The following SCARB1 variants were observed in gnomAD, a reference collection of about 807,000 sequenced individuals.
SCARB1 encodes scavenger receptor class B member 1.
In SCARB1, 30 loss-of-function variants were observed where a neutral mutation model predicts 57.2. That is an observed-to-expected ratio of 0.52 (90% CI 0.39 to 0.71). The LOEUF (loss-of-function observed/expected upper bound fraction) is 0.71, where lower values mean the gene tolerates loss of function less well. Among genes scored for constraint, SCARB1 ranks in the 30% least tolerant of loss-of-function variants. The pLI is 0.00. For missense variants in SCARB1, 543 were observed against 671.2 expected, an observed-to-expected ratio of 0.81 and a Z score of 2.11; for synonymous variants, 249 against 268.3, an observed-to-expected ratio of 0.93 and a Z score of 0.70.
At chr12:124,815,148 C>G (rs771199113) in intron 2 of SCARB1, 34 bp from the exon 3 acceptor site, 3 of 1,609,372 alleles carry the variant, frequency 1.9e-6, no homozygotes, top group Non-Finnish European at 2.5e-6. Context: ...GACGCCCCGC[C>G]CCGCTGCATG....
In SCARB1 at chr12:124,817,590, C is replaced by T. The variant is rs770307573; in HGVS notation, c.244G>A (p.Glu82Lys). The stretch of plus-strand genomic sequence containing the variant: ...CCGCGCTCCCGCACCTGCGGCTTCT[C>T]GCCCTTCAGGATCTCGCTGGGGTTC... ...VMNPSEILKG[E>K]KPQVRERGPY... is the part of the protein sequence containing the mutation. The change falls in exon 2 of 13, where the codon GAG becomes AAG. Residue 82 changes from glutamate (E) to lysine (K), a missense_variant. Physicochemically the swap from Glu to Lys is moderately conservative, Grantham distance 56. Transcript: ENST00000261693. This position sits in a 1 kb window ranked among gnomAD's most constrained non-coding sequence, Gnocchi z 4.8. The T allele has an allele frequency of 3.5e-5, 56 of 1,614,094 alleles. No homozygotes were observed. In the South Asian group the frequency reaches 4.7e-4, roughly 14 times the overall value.
chr12:124,844,904 C>T (rs1195130996), intron 1 of SCARB1, among the ~76,000 whole-genome samples: 1 of 151,540 alleles, frequency 6.6e-6, no homozygotes, highest in Non-Finnish European at 1.5e-5. Flanking sequence ...CAACCTCTGC[C>T]TCCCATGCAG....
At chr12:124,793,086 A>G (rs557383884) in intron 9 of SCARB1, among the ~76,000 whole-genome samples, 1 of 152,260 alleles carries the variant, frequency 6.6e-6, no homozygotes, top group Admixed American at 6.5e-5. Context: ...GCCTCAAAAT[A>G]TAAAAATAAA....
chr12:124,862,575 G>A (rs186060299), intron 1 of SCARB1: 1 of 152,342 alleles, frequency 6.6e-6, no homozygotes, highest in Non-Finnish European at 1.5e-5. Flanking sequence ...GCAGGCCAAG[G>A]GGAAAAGACG....
chr12:124,794,956 A>C (rs776869419), intron 9 of SCARB1, among the ~76,000 whole-genome samples: 3 of 149,444 alleles, frequency 2.0e-5, no homozygotes, highest in African/African-American at 7.6e-5. Context: ...CAAAACAAAA[A>C]AGAGAAAGAA....
intron 1 of SCARB1, among the ~76,000 whole-genome samples, chr12:124,863,140 C>A (rs1179595687): frequency 6.6e-6 from 1 of 152,238 alleles, no homozygotes; most frequent in Non-Finnish European, 1.5e-5. Context: ...TTCCTGTCCT[C>A]CTGGGCTCAC....
chr12:124,812,105 C>A lies in SCARB1; in HGVS notation c.631-140G>T. ...AGCATCTGGTTCACTGCCAAATGCC[C>A]AGTGTCTGGGGACCGAGAGGAGGCT... On this transcript the variant is annotated intron_variant, in intron 4 of 12. Transcript: ENST00000261693. This position sits in a 1 kb window ranked among gnomAD's most constrained non-coding sequence, Gnocchi z 4.3. 1 of 717,962 alleles carries A rather than the reference C, an allele frequency of 1.4e-6. No homozygotes were observed. The highest frequency in any genetic ancestry group is 1.5e-5 in the South Asian group (1 of 66,846). The allele number at this position is 717,962 out of a possible 1,614,324, so 44.5% of individuals were successfully genotyped here. A position where few individuals can be genotyped will look rare whatever the true frequency, so the allele number is the denominator to read the frequency against.
intron 8 of SCARB1, among the ~76,000 whole-genome samples, chr12:124,797,521 G>C (rs370137409): frequency 1.3e-5 from 2 of 152,228 alleles, no homozygotes; most frequent in African/African-American, 4.8e-5. Flanking sequence ...AGCTCATCTG[G>C]AGGTAGAATT....
chr12:124,857,084 T>C (rs1012292439), intron 1 of SCARB1, among the ~76,000 whole-genome samples: 1 of 152,148 alleles, frequency 6.6e-6, no homozygotes, highest in Non-Finnish European at 1.5e-5. Context: ...GCCTTAAGCA[T>C]GCAGTCGACC....
Position 124,777,870 on chromosome 12 carries a change from C to A in SCARB1, c.*717G>T. ...CACTTCGGCCAGAGAGTGGCCGGCT[C>A]AGTCCATAGGATGATGTCAGTTTAG... is the stretch of plus-strand genomic sequence containing the variant. On this transcript the variant is annotated 3_prime_UTR_variant, in exon 13 of 13. Coordinates refer to ENST00000261693, the MANE Select transcript of SCARB1 (RefSeq NM_005505.5). 1 of 152,480 alleles carries A rather than the reference C, an allele frequency of 6.6e-6. No homozygotes were observed. The highest frequency in any genetic ancestry group is 1.5e-5 in the Non-Finnish European group (1 of 68,182). The allele number at this position is 152,480 out of a possible 1,614,324, so 9.4% of individuals were successfully genotyped here.
chr12:124,790,580 G>A (rs1029942161), intron 9 of SCARB1, among the ~76,000 whole-genome samples: 1 of 152,190 alleles, frequency 6.6e-6, no homozygotes, highest in African/African-American at 2.4e-5. Flanking sequence ...CTGCAAGATA[G>A]TTTTTAAAAG....
rs1872689203 is a variant in SCARB1, at chr12:124,778,219, C to T, written c.*368G>A. The T allele has an allele frequency of 5.3e-6, 2 of 378,504 alleles. No homozygotes were observed. Among genetic ancestry groups the T allele is most frequent in the Non-Finnish European group, 9.3e-6 (2 of 214,918 alleles). The allele number at this position is 378,504 out of a possible 1,614,324, so 23.4% of individuals were successfully genotyped here. A position where few individuals can be genotyped will look rare whatever the true frequency, so the allele number is the denominator to read the frequency against. ...CACCTTGGAGGGGAGGAAGCCTGGGCCCAACGGCTGAACGGGACAGGCCAG... is the reference window on the plus strand; with the variant it reads ...CACCTTGGAGGGGAGGAAGCCTGGGTCCAACGGCTGAACGGGACAGGCCAG... On this transcript the variant is annotated 3_prime_UTR_variant, in exon 13 of 13. Coordinates refer to ENST00000261693, the MANE Select transcript of SCARB1 (RefSeq NM_005505.5).
At position 124,807,964 on chromosome 12, in the gene SCARB1, AC is replaced by A; in HGVS notation, c.843-38del. 1 of 1,609,218 alleles carries A rather than the reference AC, an allele frequency of 6.2e-7. No homozygotes were observed. Among genetic ancestry groups the A allele is most frequent in the Non-Finnish European group, 8.5e-7 (1 of 1,176,288 alleles). ...AGACAGGATGAGAGGGGACACCCAG[AC>A]CCGGCGGCCAGAGCCAGGCCCTGCC... On this transcript the variant is annotated intron_variant, in intron 6 of 12. Transcript: ENST00000261693. The surrounding 1 kb of genome is among the most constrained non-coding windows in gnomAD (Gnocchi z 5.3).
chr12:124,794,784 G>T (rs1223233063), intron 9 of SCARB1, among the ~76,000 whole-genome samples: 3 of 152,076 alleles, frequency 2.0e-5, no homozygotes, highest in Admixed American at 2.0e-4. Context: ...TACCAAATTA[G>T]CCGGGCGTGG....
At chr12:124,842,965 G>A (rs767988227) in intron 1 of SCARB1, among the ~76,000 whole-genome samples, 1 of 152,194 alleles carries the variant, frequency 6.6e-6, no homozygotes, top group Admixed American at 6.5e-5. Context: ...GAAGGATACG[G>A]GTGTGGGTCC....
intron 1 of SCARB1, among the ~76,000 whole-genome samples, chr12:124,863,389 A>T (rs1240689576): frequency 2.6e-5 from 4 of 152,016 alleles, no homozygotes; most frequent in Admixed American, 2.0e-4. Context: ...GTTCCCCCCT[A>T]GCCTCAGTCT....
intron 12 of SCARB1, among the ~76,000 whole-genome samples, chr12:124,780,961 G>A (rs10846734): frequency 0.067 from 10,274 of 152,282 alleles, 975 homozygotes; most frequent in East Asian, 0.39. Context: ...GGGCCAAACC[G>A]TGCACAGCAC....
rs1207708153 is a variant in SCARB1, at chr12:124,786,557, A to G, written c.1255-54T>C. 1.9e-6 allele frequency: 3 copies of G among 1,605,798 alleles called. No individual in the cohort carries two copies. In the African/African-American group the frequency reaches 4.0e-5, roughly 21 times the overall value. ...GCTGGGGCCGCAGGCTGCGGGCTACAGCGCAGATGCCACCCAACACCTTCC... is the reference window on the plus strand; with the variant it reads ...GCTGGGGCCGCAGGCTGCGGGCTACGGCGCAGATGCCACCCAACACCTTCC... On this transcript the variant is annotated intron_variant, in intron 10 of 12. Coordinates refer to ENST00000261693, the MANE Select transcript of SCARB1 (RefSeq NM_005505.5).
intron 1 of SCARB1, among the ~76,000 whole-genome samples, chr12:124,830,523 A>G (rs571060856): frequency 3.0e-4 from 46 of 152,334 alleles, no homozygotes; most frequent in African/African-American, 1.0e-3. Context: ...TGACCAATTG[A>G]GACACACAAT....
Sources: allele counts gnomAD v4.1 joint callset (sites outside exome capture counted in the v4.1 genomes callset), GRCh38; gene constraint gnomAD v4.1.1; non-coding constraint Gnocchi (gnomAD v3.1); transcripts MANE v1.5; gene names NCBI Gene and HGNC (gene_info 2026-07-23, HGNC 2026-07-21).